The following LMO7 variants were observed in gnomAD, a reference collection of about 807,000 sequenced individuals.
LMO7 encodes the protein LIM domain only protein 7.
Under a neutral mutation model 206.5 loss-of-function variants are expected in LMO7, and 120 were observed. The ratio of observed to expected loss-of-function variants is 0.58; its 90% CI spans 0.50 to 0.68. The LOEUF is 0.68. Among genes scored for constraint, LMO7 ranks in the 30% least tolerant of loss-of-function variants. The pLI, the probability that LMO7 is intolerant of heterozygous loss-of-function variation, is 0.00. For synonymous variants in LMO7, 706 were observed against 681.5 expected, an observed-to-expected ratio of 1.04 and a Z score of -0.56; for missense variants, 1,959 against 1,957.9, an observed-to-expected ratio of 1.00 and a Z score of -0.01.
intron 4 of LMO7, among the ~76,000 whole-genome samples, chr13:75,792,132 C>A (rs967856040): frequency 1.3e-5 from 2 of 152,084 alleles, no homozygotes; most frequent in Admixed American, 6.5e-5. Flanking sequence ...CTGTGCCTAG[C>A]TAATTTTTAC....
intron 1 of LMO7, among the ~76,000 whole-genome samples, chr13:75,656,397 T>C (rs1274825231): frequency 6.6e-6 from 1 of 152,218 alleles, no homozygotes; most frequent in Admixed American, 6.5e-5. Context: ...ATTAATATTA[T>C]CGTATTTTTG....
intron 4 of LMO7, among the ~76,000 whole-genome samples, chr13:75,772,396 T>C (rs375958329): frequency 1.4e-4 from 21 of 152,238 alleles, no homozygotes; most frequent in African/African-American, 4.3e-4. Context: ...AATGTATAAG[T>C]GAAGGAAAAA....
chr13:75,830,512 C>G (rs1315307970), intron 15 of LMO7, among the ~76,000 whole-genome samples: 1 of 152,160 alleles, frequency 6.6e-6, no homozygotes, highest in Non-Finnish European at 1.5e-5. Flanking sequence ...AGATATACAC[C>G]TGTAATTGCC....
At chr13:75,661,954 GA>G (rs1411209151) in intron 1 of LMO7, among the ~76,000 whole-genome samples, 2 of 152,066 alleles carry the variant, frequency 1.3e-5, no homozygotes. Context: ...TTTGTATGTG[GA>G]ATTTATAACC....
chr13:75,635,435 CGCCCCCAACCCCCCG>C (rs1160326908), upstream of LMO7, among the ~76,000 whole-genome samples: 1 of 152,248 alleles, frequency 6.6e-6, no homozygotes, highest in East Asian at 1.9e-4. Flanking sequence ...CCTCCCGCCC[CGCCCCCAACCCCCCG>C]GCCCTGCACA....
upstream of LMO7, chr13:75,632,239 A>T (rs2035042186): frequency 6.6e-6 from 1 of 152,216 alleles, no homozygotes; most frequent in South Asian, 2.1e-4. Context: ...AATGACTGAT[A>T]TTAGGAGGCA....
chr13:75,842,947 G>A (rs1169798065), intron 25 of LMO7, 31 bp downstream of exon 25: 1 of 1,298,196 alleles, frequency 7.7e-7, no homozygotes, highest in Non-Finnish European at 1.1e-6. Context: ...TAATTTAATT[G>A]ATGATAATGG....
At chr13:75,717,102 G>A (rs1043923445) in intron 2 of LMO7, among the ~76,000 whole-genome samples, 3 of 151,948 alleles carry the variant, frequency 2.0e-5, no homozygotes, top group South Asian at 2.1e-4. Context: ...GGTGGCTCAC[G>A]CCTGTAATCC....
intron 16 of LMO7, 127 bp from the exon 17 acceptor site, chr13:75,834,099 C>A (rs753932898): frequency 4.7e-6 from 3 of 643,664 alleles, no homozygotes; most frequent in East Asian, 2.9e-5. Flanking sequence ...AAAATAGTGA[C>A]CTCCACCTGA....
upstream of LMO7, among the ~76,000 whole-genome samples, chr13:75,632,862 G>GTTTTTTTTTTGTTTTTTTTTTTGTT: frequency 9.8e-6 from 1 of 102,152 alleles, no homozygotes; most frequent in African/African-American, 4.0e-5. Context: ...TTACTTAAAA[G>GTTTTTTTTTTGTTTTTTTTTTTGTT]TTTTTTTTTT....
intron 1 of LMO7, among the ~76,000 whole-genome samples, chr13:75,682,158 T>C (rs2040591614): frequency 6.6e-6 from 1 of 152,352 alleles, no homozygotes; most frequent in South Asian, 2.1e-4. Context: ...TATTTTGAGT[T>C]CTTAAAATTT....
rs1595449875 is a variant in LMO7, at chr13:75,839,767, T to A, written c.3452-318T>A. ...TTTCCTGTTAGGCCAAACTATGAGA[T>A]GCTGCCCAGTTTATTAATAAAAGAA... On this transcript the variant is annotated intron_variant, in intron 20 of 30. Coordinates refer to ENST00000377534, the MANE Select transcript of LMO7 (RefSeq NM_001306080.2). 4 of 230,186 alleles carry A rather than the reference T, an allele frequency of 1.7e-5. No individual in the cohort carries two copies. The South Asian group carries it at 6.9e-4, about 40-fold the overall frequency. 14.3% of individuals were successfully genotyped at this position (230,186 alleles called of 1,614,324 possible).
At position 75,700,569 on chromosome 13, in the gene LMO7, G is replaced by A. The variant is rs572499653; in HGVS notation, c.70-12613G>A. 2.0e-5 allele frequency among the ~76,000 whole-genome samples: 3 copies of A among 152,338 alleles called. No individual in the cohort carries two copies. In the South Asian group the frequency reaches 6.2e-4, roughly 32 times the overall value. On this transcript the variant is annotated intron_variant, in intron 1 of 30. Transcript: ENST00000377534. ...AAGAACTTTCACCTTTTCACTTAAA[G>A]GGAGTACTTGATAGCTTCTCTTTGG...
intron 14 of LMO7, 53 bp from the exon 15 acceptor site, chr13:75,823,512 A>G: frequency 7.4e-7 from 1 of 1,346,776 alleles, no homozygotes; most frequent in East Asian, 2.3e-5. Context: ...ACTTTTAAAA[A>G]CAGAAATAAA....
chr13:75,763,638 A>G (rs1024631325), intron 4 of LMO7, among the ~76,000 whole-genome samples: 3 of 152,180 alleles, frequency 2.0e-5, no homozygotes, highest in Admixed American at 6.6e-5. Flanking sequence ...ATAACTGCCC[A>G]GACTGAATCT....
At chr13:75,708,579 G>A (rs891115185) in intron 1 of LMO7, among the ~76,000 whole-genome samples, 3 of 152,198 alleles carry the variant, frequency 2.0e-5, no homozygotes, top group Non-Finnish European at 4.4e-5. Flanking sequence ...TTGGCTATGC[G>A]TAGGAGTTTC....
intron 15 of LMO7, among the ~76,000 whole-genome samples, chr13:75,830,439 T>A (rs759292961): frequency 6.6e-6 from 1 of 152,278 alleles, no homozygotes; most frequent in East Asian, 1.9e-4. Flanking sequence ...AAAATCAGTA[T>A]TTTTATGAAA....
At chr13:75,827,930 C>G (rs1484252546) in intron 15 of LMO7, among the ~76,000 whole-genome samples, 2 of 152,194 alleles carry the variant, frequency 1.3e-5, no homozygotes, top group African/African-American at 2.4e-5. Flanking sequence ...CTTCCCTTAT[C>G]ATAGCTTCAT....
intron 4 of LMO7, among the ~76,000 whole-genome samples, chr13:75,778,858 A>G (rs187293012): frequency 1.6e-4 from 24 of 152,334 alleles, no homozygotes; most frequent in African/African-American, 5.1e-4. Context: ...TGCAGGGCTC[A>G]TTAAAACATG....
Sources: allele counts gnomAD v4.1 joint callset (sites outside exome capture counted in the v4.1 genomes callset), GRCh38; gene constraint gnomAD v4.1.1; transcripts MANE v1.5; gene names NCBI Gene and HGNC (gene_info 2026-07-23, HGNC 2026-07-21).